Variants in PLCH1 observed in about 807,000 individuals in gnomAD.
The protein encoded by PLCH1 is phospholipase C eta 1.
A neutral mutation model predicts 126.7 loss-of-function variants in PLCH1; 60 were observed. That is an observed-to-expected ratio of 0.47 (90% CI 0.38 to 0.59). PLCH1 has a LOEUF of 0.59. Ranked by LOEUF, PLCH1 falls within the 20% of genes least tolerant of loss-of-function variation. PLCH1 has a pLI of 0.00. For missense variants in PLCH1, 1,723 were observed against 2,040.0 expected (o/e 0.84, Z 2.99); for synonymous variants, 719 against 734.9 (o/e 0.98, Z 0.35).
At chr3:155,666,686 C>T (rs1397121778) in intron 2 of PLCH1, among the ~76,000 whole-genome samples, 4 of 152,124 alleles carry the variant, frequency 2.6e-5, no homozygotes, top group Admixed American at 2.0e-4. Flanking sequence ...GCCAGGTACT[C>T]ATTAAAATTA....
intron 2 of PLCH1, among the ~76,000 whole-genome samples, chr3:155,651,996 C>G (rs1740757577): frequency 6.6e-6 from 1 of 152,174 alleles, no homozygotes. Flanking sequence ...GTCTTTGGAC[C>G]CATGCCGTTA....
Position 155,492,752 on chromosome 3 carries a change from A to G in PLCH1, c.2284T>C (p.Ser762Pro). The G allele has an allele frequency of 6.3e-7, 1 of 1,592,140 alleles. No individual in the cohort carries two copies. The highest frequency in any genetic ancestry group is 8.5e-7 in the Non-Finnish European group (1 of 1,170,994). The change falls in exon 18 of 23, where the codon TCC (serine) becomes CCC (proline). Residue 762 changes from serine (S) to proline (P), a missense_variant. Physicochemically the swap from Ser to Pro is moderately conservative, Grantham distance 74 (BLOSUM62 -1). Coordinates refer to ENST00000460012, the MANE Select transcript of PLCH1 (RefSeq NM_014996.4). Reference sequence around the variant, plus strand: ...ACCTCGCCTCGATCTCCAAACATGGAGTCTGGAGGTTTGGGGAGTTGCTGT... The same window carrying G: ...ACCTCGCCTCGATCTCCAAACATGGGGTCTGGAGGTTTGGGGAGTTGCTGT... Reference protein sequence around the residue: ...SGQQLPKPPDSMFGDRGEIID... With the variant: ...SGQQLPKPPDPMFGDRGEIID...
At chr3:155,597,997 A>G (rs1273920684) in intron 2 of PLCH1, among the ~76,000 whole-genome samples, 1 of 152,084 alleles carries the variant, frequency 6.6e-6, no homozygotes, top group Non-Finnish European at 1.5e-5. Flanking sequence ...CAGCCTGGCC[A>G]ACATGGTGAA....
At chr3:155,675,985 T>C in intron 2 of PLCH1, 1 of 1,444,292 alleles carries the variant, frequency 6.9e-7, no homozygotes, top group Non-Finnish European at 9.5e-7. Context: ...AAATTAGTAG[T>C]ATGAGTCTTA....
chr3:155,550,884 A>T (rs1467917021), intron 9 of PLCH1, among the ~76,000 whole-genome samples: 2 of 152,162 alleles, frequency 1.3e-5, no homozygotes, highest in Admixed American at 6.5e-5. Flanking sequence ...GTTCCACAAT[A>T]CGGGCTATGA....
At chr3:155,466,778 A>G (rs1712945006) in intron 21 of PLCH1, among the ~76,000 whole-genome samples, 1 of 152,192 alleles carries the variant, frequency 6.6e-6, no homozygotes, top group Admixed American at 6.5e-5. Flanking sequence ...TCTATTAGAT[A>G]AACATAACAA....
At chr3:155,656,862 T>C (rs1479555995) in intron 2 of PLCH1, among the ~76,000 whole-genome samples, 2 of 152,142 alleles carry the variant, frequency 1.3e-5, no homozygotes, top group Admixed American at 6.5e-5. Flanking sequence ...TTATAACTAT[T>C]TTTAGGTTAT....
intron 21 of PLCH1, among the ~76,000 whole-genome samples, chr3:155,455,133 T>TGTCACC (rs1712408793): frequency 2.0e-5 from 3 of 152,184 alleles, no homozygotes; most frequent in Admixed American, 1.3e-4. Flanking sequence ...AGGATATTTG[T>TGTCACC]GTCACCGGAA....
intron 2 of PLCH1, among the ~76,000 whole-genome samples, chr3:155,646,609 G>A (rs1286050957): frequency 6.6e-6 from 1 of 152,132 alleles, no homozygotes; most frequent in East Asian, 1.9e-4. Flanking sequence ...GCCCTTCTAG[G>A]AATAACCTTC....
chr3:155,739,540 T>C (rs901842478), intron 1 of PLCH1, among the ~76,000 whole-genome samples: 2 of 152,080 alleles, frequency 1.3e-5, no homozygotes, highest in African/African-American at 4.8e-5. Flanking sequence ...AAACTCCATG[T>C]AGGGAATGCA....
At chr3:155,545,292 A>C (rs1174771188) in intron 10 of PLCH1, among the ~76,000 whole-genome samples, 6 of 151,852 alleles carry the variant, frequency 4.0e-5, no homozygotes, top group East Asian at 1.9e-4. Context: ...ATCTAGAAGA[A>C]ATGGATAAAT....
intron 21 of PLCH1, among the ~76,000 whole-genome samples, chr3:155,458,453 G>GGAAA (rs796818041): frequency 0.021 from 590 of 28,568 alleles, 47 homozygotes; most frequent in Non-Finnish European, 0.023. Flanking sequence ...AAGGAAGGAA[G>GGAAA]GAAAGAAAGA....
chr3:155,559,591 A>G (rs1577010532), intron 8 of PLCH1, among the ~76,000 whole-genome samples: 1 of 152,346 alleles, frequency 6.6e-6, no homozygotes, highest in East Asian at 1.9e-4. Context: ...TTCTAATAAT[A>G]AGAACTTTAA....
chr3:155,531,250 G>C (rs755356846), intron 10 of PLCH1, among the ~76,000 whole-genome samples: 1 of 152,182 alleles, frequency 6.6e-6, no homozygotes, highest in Non-Finnish European at 1.5e-5. Flanking sequence ...CGCTTTGAAG[G>C]CAGGCAATGA....
At chr3:155,637,723 T>A (rs1014950323) in intron 2 of PLCH1, among the ~76,000 whole-genome samples, 4 of 152,174 alleles carry the variant, frequency 2.6e-5, no homozygotes, top group African/African-American at 9.6e-5. Flanking sequence ...GCCACAATTA[T>A]CATACATCAA....
At chr3:155,616,416 T>G (rs1051347757) in intron 2 of PLCH1, among the ~76,000 whole-genome samples, 5 of 152,158 alleles carry the variant, frequency 3.3e-5, no homozygotes, top group African/African-American at 1.2e-4. Context: ...TTCCATAAAT[T>G]AAACATTAGC....
rs1356848510 is a variant in PLCH1 at position 155,549,960 on chromosome 3, T to C, written c.1191-2A>G. ...TCGATAGACAATATAACAGGAAACC[T>C]GAGAAAAGAGCAACACAGTCCAGAG... On this transcript the variant is annotated splice_acceptor_variant, in intron 9 of 22. Coordinates refer to ENST00000460012, the MANE Select transcript of PLCH1 (RefSeq NM_014996.4). LOFTEE classifies it high-confidence loss of function. 1.2e-6 allele frequency: 2 copies of C among 1,612,768 alleles called. No homozygotes were observed. Among genetic ancestry groups the C allele is most frequent in the Non-Finnish European group, 1.7e-6 (2 of 1,179,370 alleles).
At chr3:155,483,158 A>T (rs1416980999) in intron 22 of PLCH1, 107 bp from the exon 23 acceptor site, 2 of 1,079,052 alleles carry the variant, frequency 1.9e-6, no homozygotes, top group Admixed American at 2.0e-5. Flanking sequence ...AATCTGTTAC[A>T]CTGTGACAGA....
At chr3:155,489,421 AC>A (rs1199714169) in intron 19 of PLCH1, among the ~76,000 whole-genome samples, 2 of 152,172 alleles carry the variant, frequency 1.3e-5, no homozygotes, top group Non-Finnish European at 2.9e-5. Flanking sequence ...ACTTTCAAAA[AC>A]TGTACAAGTA....
Sources: gnomAD v4.1 joint callset for allele counts (sites outside exome capture counted in the v4.1 genomes callset) on GRCh38, gnomAD v4.1.1 for gene constraint, MANE v1.5 for transcripts, NCBI Gene and HGNC (gene_info 2026-07-23, HGNC 2026-07-21) for gene names.